Variants in ABHD12B observed in about 807,000 individuals in gnomAD.
ABHD12B encodes the protein protein ABHD12B.
ABHD12B carries 42 observed loss-of-function variants against 50.4 expected under a neutral mutation model. The ratio of observed to expected loss-of-function variants is 0.83; its 90% confidence interval spans 0.65 to 1.08. The LOEUF is 1.08. Among genes scored for constraint, ABHD12B ranks in the 50% least tolerant of loss-of-function variants. ABHD12B has a pLI of 0.00. For synonymous variants in ABHD12B, 167 were observed against 160.3 expected, an observed-to-expected ratio of 1.04 and a Z score of -0.32; for missense variants, 479 against 447.7, an observed-to-expected ratio of 1.07 and a Z score of -0.63.
chr14:50,889,075 AC>A (rs2050082205), intron 9 of ABHD12B, among the ~76,000 whole-genome samples, 172 bp downstream of exon 9: 1 of 152,184 alleles, frequency 6.6e-6, no homozygotes, highest in African/African-American at 2.4e-5. Context: ...ACAAAAGGGA[AC>A]CCATGGCTGT....
In ABHD12B at chr14:50,885,629, G is replaced by A. The variant is rs2050024671; in HGVS notation, c.502G>A (p.Gly168Ser). Residue 168 changes from glycine to serine, a missense_variant, in exon 6 of 13, where the codon GGC becomes AGC. Coordinates refer to ENST00000337334, the MANE Select transcript of ABHD12B (RefSeq NM_001206673.2). ...LKLVKVLSDG[G>S]FHVLSVDYRG... ...TGTTACCTAGGTGCTGAGTGATGGT[G>A]GCTTTCATGTCTTGTCTGTTGACTA... 3 of 1,614,154 alleles carry A rather than the reference G, an allele frequency of 1.9e-6. No individual in the cohort carries two copies. Among genetic ancestry groups the A allele is most frequent in the Non-Finnish European group, 2.5e-6 (3 of 1,180,036 alleles).
Position 50,878,819 on chromosome 14 carries a change from G to A in ABHD12B, c.307G>A (p.Val103Ile), listed in dbSNP as rs145971860. 31 of 1,614,020 alleles carry A rather than the reference G, an allele frequency of 1.9e-5. No individual in the cohort carries two copies. Among genetic ancestry groups the A allele is most frequent in the Admixed American group, 3.3e-5 (2 of 60,024 alleles). ...IPHTVNFYLR[V>I]EPGVMLGIWH... ...TCACACAGTGAACTTCTACCTGAGA[G>A]TTGAACCTGGGGTGATGCTAGGGAT... is the stretch of plus-strand genomic sequence containing the variant. The change falls in exon 3 of 13, where the codon GTT (valine) becomes ATT (isoleucine). Residue 103 changes from valine to isoleucine, a missense_variant. Coordinates refer to ENST00000337334, the MANE Select transcript of ABHD12B (RefSeq NM_001206673.2).
chr14:50,900,346 C>G (rs1447384515), intron 9 of ABHD12B, among the ~76,000 whole-genome samples: 1 of 152,172 alleles, frequency 6.6e-6, no homozygotes, highest in Non-Finnish European at 1.5e-5. Flanking sequence ...GCACAATAGA[C>G]TCATTTTGTC....
intron 5 of ABHD12B, 111 bp from the exon 6 acceptor site, chr14:50,885,503 T>C: frequency 1.6e-6 from 2 of 1,250,156 alleles, no homozygotes; most frequent in Non-Finnish European, 2.3e-6. Context: ...CAAGTTAAAA[T>C]TACCTTTGAA....
intron 4 of ABHD12B, 150 bp from the exon 5 acceptor site, chr14:50,881,446 A>C (rs1555323339): frequency 1.4e-6 from 1 of 730,550 alleles, no homozygotes; most frequent in African/African-American, 1.9e-5. Flanking sequence ...TTTTTTTTAC[A>C]TTTCCCCTTC....
chr14:50,886,924 G>A (rs1434892855), intron 8 of ABHD12B, among the ~76,000 whole-genome samples: 4 of 152,134 alleles, frequency 2.6e-5, no homozygotes, highest in Admixed American at 2.0e-4. Context: ...CACCTTGAAA[G>A]AGTCCTCCTT....
At chr14:50,896,469 C>T (rs955926438) in intron 9 of ABHD12B, among the ~76,000 whole-genome samples, 2 of 152,318 alleles carry the variant, frequency 1.3e-5, no homozygotes, top group Non-Finnish European at 2.9e-5. Context: ...CCTGAAGTAA[C>T]TGAAGAATCA....
chr14:50,894,463 T>G (rs1426009250), intron 9 of ABHD12B, among the ~76,000 whole-genome samples: 1 of 151,800 alleles, frequency 6.6e-6, no homozygotes, highest in Non-Finnish European at 1.5e-5. Flanking sequence ...CACCTTCCAT[T>G]CCTCCTTCTT....
chr14:50,887,154 C>T (rs1162864797), intron 8 of ABHD12B, among the ~76,000 whole-genome samples: 1 of 120,590 alleles, frequency 8.3e-6, no homozygotes, highest in Non-Finnish European at 1.6e-5. Context: ...GTGGAGGTTG[C>T]AGTAAGCCGA....
chr14:50,882,373 C>CTTTT (rs386381352), intron 5 of ABHD12B, among the ~76,000 whole-genome samples: 4,713 of 81,732 alleles, frequency 0.058, 355 homozygotes, highest in East Asian at 0.078. Context: ...AGAATGTCTG[C>CTTTT]TTTTTTTTTT....
chr14:50,903,229 G>A (rs74993224), intron 10 of ABHD12B, among the ~76,000 whole-genome samples, 160 bp from the exon 11 acceptor site: 3,447 of 152,112 alleles, frequency 0.023, 73 homozygotes, highest in East Asian at 0.09. Context: ...GCTACTATGT[G>A]AAATTTTTAA....
Position 50,877,972 on chromosome 14 carries a change from C to A in ABHD12B, c.125C>A (p.Ser42Ter), listed in dbSNP as rs1210221417. 3.3e-6 allele frequency: 5 copies of A among 1,533,352 alleles called. No homozygotes were observed. In the African/African-American group the frequency reaches 5.5e-5, roughly 17 times the overall value. The allele number at this position is 1,533,352 out of a possible 1,614,324, so 95.0% of individuals were successfully genotyped here. ...RNLRYFPHSC[S>*]MLGRKIAALY... Reference sequence around the variant, plus strand: ...TGCAGATATTTTCCACACTCCTGTTCAATGCTCGGAAGAAAAATTGCTGCT... The same window carrying A: ...TGCAGATATTTTCCACACTCCTGTTAAATGCTCGGAAGAAAAATTGCTGCT... The change falls in exon 2 of 13, where the codon TCA (serine) becomes TAA (stop). Residue 42 changes from serine (S) to a stop codon, truncating the protein, a stop_gained. Transcript: ENST00000337334. LOFTEE classifies it high-confidence loss of function.
chr14:50,891,341 C>T (rs972308363), intron 9 of ABHD12B: 1 of 150,982 alleles, frequency 6.6e-6, no homozygotes, highest in African/African-American at 2.4e-5. Flanking sequence ...TTCCCGGGTT[C>T]ACGCCATTCT....
In ABHD12B at chr14:50,904,554, T is replaced by C; in HGVS notation, c.*188T>C. 1.4e-6 allele frequency: 1 copy of C among 711,328 alleles called. No individual in the cohort carries two copies. The highest frequency in any genetic ancestry group is 2.3e-6 in the Non-Finnish European group (1 of 429,032). The allele number at this position is 711,328 out of a possible 1,614,324, so 44.1% of individuals were successfully genotyped here. A position where few individuals can be genotyped will look rare whatever the true frequency, so the allele number is the denominator to read the frequency against. On this transcript the variant is annotated 3_prime_UTR_variant, in exon 13 of 13. Coordinates refer to ENST00000337334, the MANE Select transcript of ABHD12B (RefSeq NM_001206673.2). ...GCAGTATGGAATGTTCTTATTTAGCTTATCATAATCTACTTTGTAAAACAT... is the reference window on the plus strand; with the variant it reads ...GCAGTATGGAATGTTCTTATTTAGCCTATCATAATCTACTTTGTAAAACAT...
chr14:50,904,026 C>A, intron 11 of ABHD12B, 48 bp from the exon 12 acceptor site: 1 of 1,488,254 alleles, frequency 6.7e-7, no homozygotes, highest in Non-Finnish European at 9.3e-7. Context: ...CTAGAAAAAT[C>A]TACAGCTTTG....
At chr14:50,880,595 T>C in intron 4 of ABHD12B, 24 bp downstream of exon 4, 1 of 1,527,138 alleles carries the variant, frequency 6.5e-7, no homozygotes, top group East Asian at 2.5e-5. Flanking sequence ...CTTACATATT[T>C]TTTTTTCAGG....
Position 50,881,482 on chromosome 14 carries a change from G to A in ABHD12B, c.456-114G>A, listed in dbSNP as rs1014126869. ...TCCTAGTTATTTATTCCTCCAACCT[G>A]AAAGAGAAAGGCGTGAGATCAGATA... is the stretch of plus-strand genomic sequence containing the variant. On this transcript the variant is annotated intron_variant, in intron 4 of 12. Coordinates refer to ENST00000337334, the MANE Select transcript of ABHD12B (RefSeq NM_001206673.2). 3.6e-6 allele frequency: 4 copies of A among 1,099,882 alleles called. No homozygotes were observed. The Admixed American group carries it at 1.0e-4, about 28-fold the overall frequency. 68.1% of individuals were successfully genotyped at this position (1,099,882 alleles called of 1,614,324 possible).
intron 1 of ABHD12B, among the ~76,000 whole-genome samples, chr14:50,874,783 G>A (rs1488914520): frequency 6.6e-6 from 1 of 152,088 alleles, no homozygotes; most frequent in Non-Finnish European, 1.5e-5. Context: ...CCACAGCGTT[G>A]GTTCTTTATT....
chr14:50,888,990 C>A (rs2050080656), intron 9 of ABHD12B, 87 bp downstream of exon 9: 1 of 1,043,786 alleles, frequency 9.6e-7, no homozygotes, highest in Non-Finnish European at 1.4e-6. Flanking sequence ...TGTTTATTAA[C>A]AGTCTTCCTT....
Sources: allele counts gnomAD v4.1 joint callset (sites outside exome capture counted in the v4.1 genomes callset), GRCh38; gene constraint gnomAD v4.1.1; transcripts MANE v1.5; gene names NCBI Gene and HGNC (gene_info 2026-07-23, HGNC 2026-07-21).